The following RGS7 variants were observed in gnomAD, a reference collection of about 807,000 sequenced individuals.
The protein encoded by RGS7 is regulator of G-protein signaling 7.
RGS7 carries 27 observed loss-of-function variants against 81.1 expected under a neutral mutation model. The observed-to-expected ratio is 0.33, with a 90% CI of 0.25 to 0.46. RGS7 has a LOEUF of 0.46. Ranked by LOEUF, RGS7 falls within the 20% of genes least tolerant of loss-of-function variation. RGS7 has a pLI of 1.00. For synonymous variants in RGS7, 208 were observed against 207.7 expected (o/e 1.00, Z -0.01); for missense variants, 396 against 607.4 (o/e 0.65, Z 3.66).
chr1:241,020,884 C>T (rs895316344), intron 3 of RGS7, among the ~76,000 whole-genome samples: 19 of 152,094 alleles, frequency 1.2e-4, no homozygotes, highest in African/African-American at 4.6e-4. Flanking sequence ...AAGGGGATCA[C>T]AATATTTTAT....
chr1:240,888,694 G>A (rs1667778025), intron 6 of RGS7, among the ~76,000 whole-genome samples: 1 of 152,136 alleles, frequency 6.6e-6, no homozygotes, highest in Admixed American at 6.5e-5. Context: ...GCGTTGAGAA[G>A]AGGTGCTATC....
At chr1:240,871,070 A>T (rs1409300128) in intron 6 of RGS7, among the ~76,000 whole-genome samples, 1 of 152,182 alleles carries the variant, frequency 6.6e-6, no homozygotes, top group Non-Finnish European at 1.5e-5. Flanking sequence ...TTCTTCAATT[A>T]TTTCAGGGTA....
intron 2 of RGS7, among the ~76,000 whole-genome samples, chr1:241,331,651 T>A (rs1350629881): frequency 6.6e-6 from 1 of 152,178 alleles, no homozygotes; most frequent in Non-Finnish European, 1.5e-5. Flanking sequence ...TTACACCTAA[T>A]GCAGTATTTC....
chr1:241,347,609 C>T (rs2082980900), intron 2 of RGS7, among the ~76,000 whole-genome samples: 1 of 152,132 alleles, frequency 6.6e-6, no homozygotes. Flanking sequence ...CTCTGAGATG[C>T]TATGAAATAG....
intron 2 of RGS7, among the ~76,000 whole-genome samples, chr1:241,287,892 T>C (rs947409375): frequency 2.0e-5 from 3 of 152,150 alleles, no homozygotes; most frequent in African/African-American, 7.2e-5. Context: ...AAAATAAAAA[T>C]ATATGACACT....
intron 18 of RGS7, 53 bp from the exon 19 acceptor site, chr1:240,776,266 G>T: frequency 7.5e-7 from 1 of 1,340,824 alleles, no homozygotes; most frequent in South Asian, 1.2e-5. Context: ...TACGATCACT[G>T]AAAACCTGCT....
chr1:240,909,037 C>T lies in RGS7; in HGVS notation c.385+21680G>A, dbSNP rs1248664936. ...TAGAAAGTCTGCCTGTCACATCATA[C>T]GCAGCAGAATCACAAAGTTGTGAAT... On this transcript the variant is annotated intron_variant, in intron 6 of 18. Transcript: ENST00000440928. Among the ~76,000 whole-genome samples, 6 of 152,300 alleles carry T rather than the reference C, an allele frequency of 3.9e-5. No individual in the cohort carries two copies. In the East Asian group the frequency reaches 5.8e-4, roughly 15 times the overall value.
chr1:240,810,058 A>G (rs892157369), intron 14 of RGS7, among the ~76,000 whole-genome samples: 2 of 152,098 alleles, frequency 1.3e-5, no homozygotes, highest in Non-Finnish European at 2.9e-5. Context: ...TTCCAAAGGC[A>G]TCTTCTCTCT....
chr1:241,028,866 G>C (rs1186769277), intron 3 of RGS7, among the ~76,000 whole-genome samples: 1 of 152,130 alleles, frequency 6.6e-6, no homozygotes, highest in African/African-American at 2.4e-5. Flanking sequence ...TGACTACCAA[G>C]GCCACCTGTT....
intron 2 of RGS7, among the ~76,000 whole-genome samples, chr1:241,191,363 T>A (rs1189176861): frequency 6.6e-6 from 1 of 152,196 alleles, no homozygotes; most frequent in East Asian, 1.9e-4. Flanking sequence ...TTAGTTGATA[T>A]GATCATGTGA....
chr1:241,026,994 C>G (rs1337775209), intron 3 of RGS7, among the ~76,000 whole-genome samples: 1 of 150,638 alleles, frequency 6.6e-6, no homozygotes, highest in Non-Finnish European at 1.5e-5. Flanking sequence ...AAACAAGGTT[C>G]CAGCCTCAGC....
chr1:241,218,036 T>C (rs1482135123), intron 2 of RGS7, among the ~76,000 whole-genome samples: 2 of 152,190 alleles, frequency 1.3e-5, no homozygotes, highest in East Asian at 3.8e-4. Context: ...GATATATTTG[T>C]GTGTCTGTGT....
At chr1:240,918,765 T>A (rs1176460938) in intron 6 of RGS7, among the ~76,000 whole-genome samples, 1 of 149,878 alleles carries the variant, frequency 6.7e-6, no homozygotes. Context: ...AAATTGAAAA[T>A]CAATAGAGAA....
At chr1:240,821,478 T>C (rs1050531831) in intron 10 of RGS7, among the ~76,000 whole-genome samples, 15 of 152,174 alleles carry the variant, frequency 9.9e-5, no homozygotes, top group African/African-American at 3.1e-4. Flanking sequence ...CCCCTCTTTA[T>C]TCATTTTCAT....
intron 6 of RGS7, among the ~76,000 whole-genome samples, chr1:240,907,665 G>A (rs1411038875): frequency 1.3e-5 from 2 of 152,078 alleles, no homozygotes; most frequent in Non-Finnish European, 2.9e-5. Flanking sequence ...TTAGTGAAAG[G>A]CCCTGTCTCT....
chr1:241,025,029 C>A (rs913597352), intron 3 of RGS7, among the ~76,000 whole-genome samples: 3 of 152,094 alleles, frequency 2.0e-5, no homozygotes, highest in African/African-American at 7.2e-5. Flanking sequence ...GCCTTTGGGG[C>A]CAATTGCTTT....
chr1:240,868,917 T>C lies in RGS7; in HGVS notation c.451-65A>G. 7.1e-7 allele frequency: 1 copy of C among 1,406,476 alleles called. No individual in the cohort carries two copies. Among genetic ancestry groups the C allele is most frequent in the Non-Finnish European group, 1.0e-6 (1 of 990,720 alleles). 87.1% of individuals were successfully genotyped at this position (1,406,476 alleles called of 1,614,324 possible). Reference sequence around the variant, plus strand: ...TGTCACTGCTCTCTTCTAGCTTAGTTACCACTTGTATTTGTCAAGGAAACA... The same window carrying C: ...TGTCACTGCTCTCTTCTAGCTTAGTCACCACTTGTATTTGTCAAGGAAACA... On this transcript the variant is annotated intron_variant, in intron 7 of 18. Transcript: ENST00000440928. This position sits in a 1 kb window ranked among gnomAD's most constrained non-coding sequence, Gnocchi z 5.1.
chr1:241,256,989 T>C (rs961791011), intron 2 of RGS7, among the ~76,000 whole-genome samples: 1 of 151,858 alleles, frequency 6.6e-6, no homozygotes, highest in Non-Finnish European at 1.5e-5. Context: ...ATACATATTG[T>C]ATATATATGT....
chr1:240,933,838 T>C (rs1244606207), intron 5 of RGS7, among the ~76,000 whole-genome samples: 1 of 152,064 alleles, frequency 6.6e-6, no homozygotes, highest in East Asian at 1.9e-4. Flanking sequence ...GACTTTACGG[T>C]AAATTTAAAA....
Sources: allele counts gnomAD v4.1 joint callset (sites outside exome capture counted in the v4.1 genomes callset), GRCh38; gene constraint gnomAD v4.1.1; non-coding constraint Gnocchi (gnomAD v3.1); transcripts MANE v1.5; gene names NCBI Gene and HGNC (gene_info 2026-07-23, HGNC 2026-07-21).